Variants in MPPED2 observed in about 807,000 individuals in gnomAD.
The protein encoded by MPPED2 is metallophosphoesterase MPPED2.
Under a neutral mutation model 33.0 loss-of-function variants are expected in MPPED2, and 5 were observed. The observed-to-expected ratio is 0.15, with a 90% CI of 0.08 to 0.32. MPPED2 has a LOEUF of 0.32. MPPED2 is among the 10% of genes least tolerant of loss of function. The pLI is 1.00. For missense variants in MPPED2, 275 were observed against 372.1 expected (o/e 0.74, Z 2.15); for synonymous variants, 136 against 141.9 (o/e 0.96, Z 0.29).
intron 2 of MPPED2, among the ~76,000 whole-genome samples, chr11:30,567,004 G>A (rs924709177): frequency 4.6e-5 from 7 of 152,024 alleles, no homozygotes; most frequent in Admixed American, 1.3e-4. Context: ...CAAAGTTTAC[G>A]GCCACGGATC....
intron 4 of MPPED2, among the ~76,000 whole-genome samples, chr11:30,434,529 T>C (rs1163058735): frequency 6.6e-6 from 1 of 152,222 alleles, no homozygotes; most frequent in Admixed American, 6.5e-5. Context: ...ATTTAAGATA[T>C]TGAGAATTTT....
intron 4 of MPPED2, among the ~76,000 whole-genome samples, chr11:30,463,927 A>C (rs1950604775): frequency 6.6e-6 from 1 of 151,866 alleles, no homozygotes; most frequent in South Asian, 2.1e-4. Context: ...GGTGAATTTT[A>C]GAAAATATAG....
chr11:30,463,850 TTATA>T lies in MPPED2; in HGVS notation c.536+31442_536+31445del, dbSNP rs3064881. Among the ~76,000 whole-genome samples the T allele has an allele frequency of 2.7e-5, 4 of 150,584 alleles. No homozygotes were observed. The South Asian group carries it at 6.3e-4, about 24-fold the overall frequency. On this transcript the variant is annotated intron_variant, in intron 4 of 6. Coordinates refer to ENST00000358117, the MANE Select transcript of MPPED2 (RefSeq NM_001584.3). ...ATGGGATTATGTCTAAACTGTTATTTTATATATATATATATACACACACACACAC... is the reference window on the plus strand; with the variant it reads ...ATGGGATTATGTCTAAACTGTTATTTTATATATATATACACACACACACAC...
At chr11:30,479,367 C>T (rs1466640462) in intron 4 of MPPED2, among the ~76,000 whole-genome samples, 1 of 152,102 alleles carries the variant, frequency 6.6e-6, no homozygotes, top group Non-Finnish European at 1.5e-5. Flanking sequence ...GATATCTCCA[C>T]TTAGCTACTG....
At chr11:30,544,183 C>T (rs1010832984) in intron 2 of MPPED2, among the ~76,000 whole-genome samples, 15 of 152,102 alleles carry the variant, frequency 9.9e-5, no homozygotes, top group Admixed American at 3.3e-4. Flanking sequence ...GGCTAACTAC[C>T]GTGTCAGCCA....
chr11:30,582,239 C>T (rs564604330), intron 1 of MPPED2, among the ~76,000 whole-genome samples: 14 of 152,140 alleles, frequency 9.2e-5, no homozygotes, highest in East Asian at 7.7e-4. Flanking sequence ...TGCATAATTG[C>T]GTCGCGCTGA....
At chr11:30,581,651 C>A (rs1278789448) in intron 1 of MPPED2, among the ~76,000 whole-genome samples, 1 of 152,172 alleles carries the variant, frequency 6.6e-6, no homozygotes, top group Non-Finnish European at 1.5e-5. Flanking sequence ...CATGAAACAC[C>A]TTAAATATCG....
intron 3 of MPPED2, among the ~76,000 whole-genome samples, chr11:30,497,963 T>C (rs1952358566): frequency 6.6e-6 from 1 of 152,198 alleles, no homozygotes; most frequent in Non-Finnish European, 1.5e-5. Flanking sequence ...TTTTCTTTTT[T>C]GCTGAACTGA....
chr11:30,407,535 C>T (rs924790554), downstream of MPPED2, among the ~76,000 whole-genome samples: 8 of 152,164 alleles, frequency 5.3e-5, no homozygotes, highest in Non-Finnish European at 1.2e-4. Context: ...TTCTCAGAAA[C>T]AATACCGCTG....
chr11:30,554,085 T>C (rs148179419), intron 2 of MPPED2, among the ~76,000 whole-genome samples: 1 of 152,314 alleles, frequency 6.6e-6, no homozygotes, highest in East Asian at 1.9e-4. Flanking sequence ...TTTAGAGTCC[T>C]TGGGTACTTT....
At chr11:30,537,913 C>T (rs1954898188) in intron 2 of MPPED2, among the ~76,000 whole-genome samples, 1 of 151,738 alleles carries the variant, frequency 6.6e-6, no homozygotes, top group Non-Finnish European at 1.5e-5. Context: ...TTGATGTCTT[C>T]CTTTCCATCA....
chr11:30,551,700 A>G (rs1955721824), intron 2 of MPPED2, among the ~76,000 whole-genome samples: 1 of 152,216 alleles, frequency 6.6e-6, no homozygotes, highest in South Asian at 2.1e-4. Context: ...GAAGTTTTCT[A>G]GACTCCCCAG....
At chr11:30,584,413 T>G (rs1387340031) in intron 1 of MPPED2, among the ~76,000 whole-genome samples, 1 of 151,118 alleles carries the variant, frequency 6.6e-6, no homozygotes, top group Non-Finnish European at 1.5e-5. Context: ...GGCTCACGGC[T>G]GGCTCTTCCC....
chr11:30,436,610 C>G (rs1949338618), intron 4 of MPPED2, among the ~76,000 whole-genome samples: 3 of 152,204 alleles, frequency 2.0e-5, no homozygotes, highest in Admixed American at 1.3e-4. Context: ...CTTTGAACAG[C>G]CTGGAATTTA....
chr11:30,480,934 T>C (rs1951457924), intron 4 of MPPED2, among the ~76,000 whole-genome samples: 1 of 152,014 alleles, frequency 6.6e-6, no homozygotes, highest in African/African-American at 2.4e-5. Context: ...CCCTTGATAA[T>C]GAAGATAAGA....
intron 4 of MPPED2, among the ~76,000 whole-genome samples, chr11:30,468,254 ACACTCTCT>A (rs1359681236): frequency 9.3e-5 from 10 of 107,862 alleles, no homozygotes; most frequent in African/African-American, 1.9e-4. Context: ...ACACACACAC[ACACTCTCT>A]CTCTCTCTCT....
At chr11:30,511,587 AG>A (rs1953196346) in intron 3 of MPPED2, among the ~76,000 whole-genome samples, 1 of 152,200 alleles carries the variant, frequency 6.6e-6, no homozygotes, top group African/African-American at 2.4e-5. Flanking sequence ...CAATGTAAGA[AG>A]GCAGGAAATA....
At chr11:30,572,072 A>G (rs1377492640) in intron 2 of MPPED2, among the ~76,000 whole-genome samples, 3 of 152,160 alleles carry the variant, frequency 2.0e-5, no homozygotes, top group Non-Finnish European at 1.5e-5. Flanking sequence ...TGCTTTCTCT[A>G]TGAGTCGTTC....
intron 3 of MPPED2, among the ~76,000 whole-genome samples, chr11:30,514,112 A>T (rs1318790400): frequency 6.6e-6 from 1 of 152,194 alleles, no homozygotes; most frequent in Non-Finnish European, 1.5e-5. Context: ...TCATGTATTC[A>T]TCTTCCCCTG....
Sources: gnomAD v4.1 joint callset for allele counts (sites outside exome capture counted in the v4.1 genomes callset) on GRCh38, gnomAD v4.1.1 for gene constraint, MANE v1.5 for transcripts, NCBI Gene and HGNC (gene_info 2026-07-23, HGNC 2026-07-21) for gene names.